The following FGF12 variants were observed in gnomAD, a reference collection of about 807,000 sequenced individuals.
FGF12 encodes fibroblast growth factor 12.
In FGF12, 14 loss-of-function variants were observed where a neutral mutation model predicts 23.6. That is an observed-to-expected ratio of 0.59 (90% CI 0.39 to 0.93). The LOEUF (loss-of-function observed/expected upper bound fraction) is 0.93. FGF12 is among the 40% of genes least tolerant of loss of function. The pLI, the probability that FGF12 is intolerant of heterozygous loss-of-function variation, is 0.00. For synonymous variants in FGF12, 62 were observed against 77.3 expected, an observed-to-expected ratio of 0.80 and a Z score of 1.04; for missense variants, 175 against 217.8, an observed-to-expected ratio of 0.80 and a Z score of 1.24.
chr3:192,154,373 G>A (rs1333080311), intron 5 of FGF12, among the ~76,000 whole-genome samples: 1 of 122,372 alleles, frequency 8.2e-6, no homozygotes, highest in Admixed American at 8.3e-5. Context: ...GCGTTCCTTT[G>A]GAGGAGGAGA....
intron 2 of FGF12, among the ~76,000 whole-genome samples, chr3:192,633,506 T>C (rs1715468947): frequency 6.6e-6 from 1 of 151,914 alleles, no homozygotes; most frequent in African/African-American, 2.4e-5. Context: ...GTTAAAAGAT[T>C]CCCCCAAATC....
intron 4 of FGF12, among the ~76,000 whole-genome samples, chr3:192,229,184 GT>G (rs1448903862): frequency 1.3e-5 from 2 of 151,632 alleles, no homozygotes; most frequent in African/African-American, 4.8e-5. Context: ...AAAAACCTGA[GT>G]TCTTGGAGGG....
At chr3:192,212,854 G>C (rs997353036) in intron 4 of FGF12, among the ~76,000 whole-genome samples, 1 of 152,096 alleles carries the variant, frequency 6.6e-6, no homozygotes, top group South Asian at 2.1e-4. Flanking sequence ...TCAAAAGCTG[G>C]TCCTTGAGCT....
chr3:192,362,562 C>A lies in FGF12; in HGVS notation c.14-2024G>T, dbSNP rs146130139. 4.9e-3 allele frequency among the ~76,000 whole-genome samples: 748 copies of A among 152,308 alleles called. 4 individuals carry two copies. The highest frequency in any genetic ancestry group is 0.017 in the African/African-American group (712 of 41,574). ...TGGCTACCTGGCTGACAGGCAGCTT[C>A]TGATGTGGTAGACTCACCTATAGAT... On this transcript the variant is annotated intron_variant, in intron 2 of 5. Transcript: ENST00000445105.
intron 2 of FGF12, among the ~76,000 whole-genome samples, chr3:192,692,490 A>G (rs1717973973): frequency 6.6e-6 from 1 of 152,128 alleles, no homozygotes; most frequent in Non-Finnish European, 1.5e-5. Context: ...AGATCGCTAG[A>G]GCTCAGGCAT....
At chr3:192,718,405 A>T (rs1208610959) in intron 2 of FGF12, among the ~76,000 whole-genome samples, 1 of 152,074 alleles carries the variant, frequency 6.6e-6, no homozygotes, top group African/African-American at 2.4e-5. Flanking sequence ...GCTGATCATA[A>T]ATCTTTAAAC....
At position 192,514,309 on chromosome 3, in the gene FGF12, T is replaced by A. The variant is rs867450307; in HGVS notation, c.14-153771A>T. Among the ~76,000 whole-genome samples, 1 of 152,230 alleles carries A rather than the reference T, an allele frequency of 6.6e-6. No individual in the cohort carries two copies. Among genetic ancestry groups the A allele is most frequent in the African/African-American group, 2.4e-5 (1 of 41,470 alleles). The stretch of plus-strand genomic sequence containing the variant: ...CGCACGAGCAACTTTTCGGAGACAC[T>A]GAACAACTCCAAGTCGCGCGCCGCC... On this transcript the variant is annotated intron_variant, in intron 2 of 5. Coordinates refer to ENST00000445105, the MANE Select transcript of FGF12 (RefSeq NM_004113.6). The surrounding 1 kb of genome is among the most constrained non-coding windows in gnomAD (Gnocchi z 4.9).
chr3:192,548,407 G>A (rs1008327511), intron 2 of FGF12, among the ~76,000 whole-genome samples: 1 of 152,034 alleles, frequency 6.6e-6, no homozygotes, highest in African/African-American at 2.4e-5. Context: ...TGTACAAATG[G>A]AAAAAACTGA....
rs528959948 is a variant in FGF12 at position 192,259,035 on chromosome 3, C to CATTATATTCTCTTGAGAATCTTAG, written c.228+76325_228+76326insCTAAGATTCTCAAGAGAATATAAT. Among the ~76,000 whole-genome samples, 662 of 152,252 alleles carry CATTATATTCTCTTGAGAATCTTAG rather than the reference C, an allele frequency of 4.3e-3. 2 individuals are homozygous for CATTATATTCTCTTGAGAATCTTAG. Among genetic ancestry groups the CATTATATTCTCTTGAGAATCTTAG allele is most frequent in the African/African-American group, 0.015 (618 of 41,548 alleles). On this transcript the variant is annotated intron_variant, in intron 4 of 5. Coordinates refer to ENST00000445105, the MANE Select transcript of FGF12 (RefSeq NM_004113.6). ...CACATCCTAATAGAGAATATAAAAT[C>CATTATATTCTCTTGAGAATCTTAG]ATTCTCTTGAGAATCTAAGCAAATT... is the stretch of plus-strand genomic sequence containing the variant.
intron 2 of FGF12, among the ~76,000 whole-genome samples, chr3:192,686,097 C>T (rs1316022390): frequency 2.0e-5 from 3 of 152,050 alleles, no homozygotes; most frequent in Non-Finnish European, 2.9e-5. Flanking sequence ...GTGCTGATTT[C>T]GTATTCATAT....
intron 4 of FGF12, chr3:192,244,692 A>C (rs1719793776): frequency 1.3e-5 from 2 of 152,316 alleles, no homozygotes; most frequent in South Asian, 4.1e-4. Context: ...ATAGTTGACA[A>C]AAGATTATTA....
chr3:192,685,245 G>T (rs1238953078), intron 2 of FGF12, among the ~76,000 whole-genome samples: 1 of 152,068 alleles, frequency 6.6e-6, no homozygotes, highest in African/African-American at 2.4e-5. Context: ...TAGAGATGGG[G>T]TTTCACCGTG....
At chr3:192,690,257 T>C (rs1177687482) in intron 2 of FGF12, among the ~76,000 whole-genome samples, 1 of 151,994 alleles carries the variant, frequency 6.6e-6, no homozygotes, top group Non-Finnish European at 1.5e-5. Flanking sequence ...AAAATCAGAA[T>C]ACCATAATAC....
chr3:192,414,900 T>C (rs1480052708), intron 2 of FGF12, among the ~76,000 whole-genome samples: 1 of 152,118 alleles, frequency 6.6e-6, no homozygotes, highest in Non-Finnish European at 1.5e-5. Flanking sequence ...CTTTCCTTTT[T>C]CTAGATGAGG....
chr3:192,480,033 T>C (rs1429291876), intron 2 of FGF12, among the ~76,000 whole-genome samples: 2 of 152,000 alleles, frequency 1.3e-5, no homozygotes, highest in Non-Finnish European at 2.9e-5. Context: ...GGAAATGCCA[T>C]GCAGATGATG....
Position 192,173,518 on chromosome 3 carries a change from TTC to T in FGF12, c.229-2864_229-2863del, listed in dbSNP as rs1209827735. ...ATTCAATATAGATGATAATATTAAG[TTC>T]TGTTTTTTTCCTAGGACTAATAAAG... On this transcript the variant is annotated intron_variant, in intron 4 of 5. Transcript: ENST00000445105. Among the ~76,000 whole-genome samples, 11 of 139,326 alleles carry T rather than the reference TTC, an allele frequency of 7.9e-5. 2 individuals are homozygous for T. Among genetic ancestry groups the T allele is most frequent in the Non-Finnish European group, 1.8e-4 (11 of 61,502 alleles). The allele number at this position is 139,326 out of a possible 152,430, so 91.4% of individuals were successfully genotyped here. A position where few individuals can be genotyped will look rare whatever the true frequency, so the allele number is the denominator to read the frequency against.
chr3:192,479,731 A>T (rs1723427263), intron 2 of FGF12, among the ~76,000 whole-genome samples: 1 of 152,164 alleles, frequency 6.6e-6, no homozygotes, highest in Admixed American at 6.6e-5. Flanking sequence ...GAATGCCTCC[A>T]CTGTGCCCAG....
In FGF12 at chr3:192,623,794, C is replaced by A. The variant is rs556657379; in HGVS notation, c.13+103387G>T. Among the ~76,000 whole-genome samples the A allele has an allele frequency of 3.9e-5, 6 of 152,302 alleles. No individual in the cohort carries two copies. The East Asian group carries it at 9.6e-4, about 24-fold the overall frequency. ...TTCACCAACTTCACCTCTCTCTCGG[C>A]TATTATTCCCTGTTGGATTTTTTCA... On this transcript the variant is annotated intron_variant, in intron 2 of 5. Coordinates refer to ENST00000445105, the MANE Select transcript of FGF12 (RefSeq NM_004113.6).
chr3:192,710,117 C>G (rs184493414), intron 2 of FGF12, among the ~76,000 whole-genome samples: 12 of 152,044 alleles, frequency 7.9e-5, no homozygotes, highest in African/African-American at 2.9e-4. Flanking sequence ...CCTTAATGAC[C>G]CTTACGTCTG....
Sources: allele counts gnomAD v4.1 joint callset (sites outside exome capture counted in the v4.1 genomes callset), GRCh38; gene constraint gnomAD v4.1.1; non-coding constraint Gnocchi (gnomAD v3.1); transcripts MANE v1.5; gene names NCBI Gene and HGNC (gene_info 2026-07-23, HGNC 2026-07-21).